Variants in AKR1B15 observed in about 807,000 individuals in gnomAD.
AKR1B15 encodes the protein aldo-keto reductase family 1 member B15, also known as estradiol 17-beta-dehydrogenase AKR1B15.
Under a neutral mutation model 38.5 loss-of-function variants are expected in AKR1B15, and 49 were observed. That is an observed-to-expected ratio of 1.27 (90% CI 1.01 to 1.62). AKR1B15 has a LOEUF of 1.62. Ranked by LOEUF, AKR1B15 falls within the 40% of genes most tolerant of loss-of-function variation. The probability of loss-of-function intolerance (pLI) is 0.00; values close to 1 mark genes in which losing one functional copy is unlikely to be tolerated. For missense variants in AKR1B15, 411 were observed against 381.6 expected, an observed-to-expected ratio of 1.08 and a Z score of -0.64; for synonymous variants, 137 against 135.5, an observed-to-expected ratio of 1.01 and a Z score of -0.08.
At chr7:134,567,441 A>G (rs2117652717) in intron 3 of AKR1B15, among the ~76,000 whole-genome samples, 1 of 152,052 alleles carries the variant, frequency 6.6e-6, no homozygotes, top group East Asian at 1.9e-4. Context: ...TTCCAAAATG[A>G]TCATTGTATA....
chr7:134,549,804 G>A (rs1793903862), intron 1 of AKR1B15, among the ~76,000 whole-genome samples: 2 of 152,150 alleles, frequency 1.3e-5, no homozygotes, highest in African/African-American at 4.8e-5. Context: ...CCTGTTTAGT[G>A]TCTGTCTAAA....
At chr7:134,568,413 T>C in intron 4 of AKR1B15, 88 bp downstream of exon 4, 1 of 1,551,540 alleles carries the variant, frequency 6.4e-7, no homozygotes, top group Non-Finnish European at 8.7e-7. Context: ...TCTGTCGGCC[T>C]TTTCTACGTG....
chr7:134,562,957 TTTTCTGTCTG>T (rs1406249193), intron 2 of AKR1B15, among the ~76,000 whole-genome samples: 6 of 151,042 alleles, frequency 4.0e-5, no homozygotes, highest in Non-Finnish European at 7.4e-5. Context: ...CTTTCTGTCT[TTTTCTGTCTG>T]TTTTCTCTAT....
At chr7:134,567,442 T>A (rs1185212905) in intron 3 of AKR1B15, among the ~76,000 whole-genome samples, 1 of 152,160 alleles carries the variant, frequency 6.6e-6, no homozygotes, top group Non-Finnish European at 1.5e-5. Flanking sequence ...TCCAAAATGA[T>A]CATTGTATAA....
intron 5 of AKR1B15, chr7:134,570,621 T>A (rs1378699817): frequency 6.6e-6 from 1 of 152,314 alleles, no homozygotes; most frequent in Non-Finnish European, 1.5e-5. Context: ...GAAATAACGA[T>A]GAATTATCAG....
chr7:134,549,789 A>T (rs527682971), intron 1 of AKR1B15, among the ~76,000 whole-genome samples: 3 of 152,110 alleles, frequency 2.0e-5, no homozygotes, highest in Non-Finnish European at 4.4e-5. Context: ...CCCAGTGCCT[A>T]TTGTCCTGTT....
In AKR1B15 at chr7:134,571,770, G is replaced by A. The variant is rs557983233; in HGVS notation, c.513+89G>A. 7.9e-6 allele frequency: 8 copies of A among 1,013,232 alleles called. No homozygotes were observed. The African/African-American group carries it at 1.1e-4, about 14-fold the overall frequency. 62.8% of individuals were successfully genotyped at this position (1,013,232 alleles called of 1,614,324 possible). On this transcript the variant is annotated intron_variant, in intron 6 of 11. Transcript: ENST00000457545. ...TTGATATGAAAGAGGCCATGTGCCT[G>A]ATGCTTTCTAATTTCATCATTGTGA...
intron 11 of AKR1B15, 25 bp from the exon 12 acceptor site, chr7:134,579,481 CT>C (rs72495463): frequency 6.5e-3 from 8,332 of 1,286,230 alleles, no homozygotes; most frequent in Admixed American, 0.012. Flanking sequence ...AACACAGTTT[CT>C]TTTTTTTTTT....
chr7:134,566,733 C>T (rs1169770169), intron 3 of AKR1B15, among the ~76,000 whole-genome samples: 10 of 152,148 alleles, frequency 6.6e-5, no homozygotes, highest in Admixed American at 1.3e-4. Flanking sequence ...TTTTTTCCCT[C>T]TCCTGTGCCG....
chr7:134,553,747 C>T (rs1046487726), intron 1 of AKR1B15, among the ~76,000 whole-genome samples: 1 of 152,228 alleles, frequency 6.6e-6, no homozygotes, highest in Non-Finnish European at 1.5e-5. Context: ...GACCTTACCA[C>T]ACCTGTCCAT....
intron 6 of AKR1B15, among the ~76,000 whole-genome samples, chr7:134,574,997 G>GGT (rs1389673456): frequency 6.6e-6 from 1 of 152,018 alleles, no homozygotes; most frequent in African/African-American, 2.4e-5. Flanking sequence ...CCCAGGTTTG[G>GGT]GTGTACAATG....
intron 10 of AKR1B15, 115 bp downstream of exon 10, chr7:134,577,161 C>T (rs192507633): frequency 5.4e-4 from 587 of 1,094,708 alleles, no homozygotes; most frequent in Non-Finnish European, 6.4e-4. Context: ...TCCTTCCCCA[C>T]CACCCTATCA....
chr7:134,568,459 G>A lies in AKR1B15; in HGVS notation c.318+134G>A, dbSNP rs1794592804. ...CATCTCTGCCTTGATAACATCCGTG[G>A]ATACAATACTATCCATACTCCAAGC... is the stretch of plus-strand genomic sequence containing the variant. On this transcript the variant is annotated intron_variant, in intron 4 of 11. Transcript: ENST00000457545. The A allele has an allele frequency of 7.6e-6, 10 of 1,323,666 alleles. No homozygotes were observed. The South Asian group carries it at 1.3e-4, about 17-fold the overall frequency. 82.0% of individuals were successfully genotyped at this position (1,323,666 alleles called of 1,614,324 possible).
In AKR1B15 at chr7:134,565,342, G is replaced by C; in HGVS notation, c.150+573G>C. ...AACTCCAGACACAACATCTTTAACA[G>C]CTGTAACACACACTGTGAAGGTCCA... On this transcript the variant is annotated intron_variant, in intron 3 of 11. Coordinates refer to ENST00000457545, the MANE Select transcript of AKR1B15 (RefSeq NM_001080538.3). 5 of 1,371,764 alleles carry C rather than the reference G, an allele frequency of 3.6e-6. No homozygotes were observed. In the South Asian group the frequency reaches 6.7e-5, roughly 18 times the overall value. The allele number at this position is 1,371,764 out of a possible 1,614,324, so 85.0% of individuals were successfully genotyped here.
chr7:134,578,037 G>A (rs1203889308), intron 11 of AKR1B15, among the ~76,000 whole-genome samples: 4 of 152,182 alleles, frequency 2.6e-5, no homozygotes, highest in South Asian at 2.1e-4. Context: ...ATAGGCAGGA[G>A]GCAGAACATT....
chr7:134,563,733 C>T (rs759612053), intron 2 of AKR1B15, among the ~76,000 whole-genome samples: 2 of 152,134 alleles, frequency 1.3e-5, no homozygotes, highest in Non-Finnish European at 2.9e-5. Flanking sequence ...TCTTTCATCC[C>T]ATCTCATCCC....
At position 134,579,495 on chromosome 7, in the gene AKR1B15, C is replaced by A; in HGVS notation, c.993-12C>A. ...GAACACAGTTTCTTTTTTTTTTTCT[C>A]TCTCTCTGTAGATTCTCTCATTTGG... On this transcript the variant is annotated splice_polypyrimidine_tract_variant and intron_variant, in intron 11 of 11. Coordinates refer to ENST00000457545, the MANE Select transcript of AKR1B15 (RefSeq NM_001080538.3). The A allele has an allele frequency of 6.4e-7, 1 of 1,562,076 alleles. No individual in the cohort carries two copies. Among genetic ancestry groups the A allele is most frequent in the Non-Finnish European group, 8.6e-7 (1 of 1,157,170 alleles).
Position 134,568,290 on chromosome 7 carries a change from G to T in AKR1B15, c.283G>T (p.Ala95Ser). ...EAIQEKIQEK[A>S]VMREDLFIVS... ...CATCCAAGAGAAGATCCAAGAGAAG[G>T]CTGTGATGCGGGAGGACCTGTTCAT... Residue 95 changes from alanine (A) to serine (S), a missense_variant, in exon 4 of 12, where the codon GCT (alanine) becomes TCT (serine). By Grantham distance (99) the Ala-to-Ser change is moderately conservative. Coordinates refer to ENST00000457545, the MANE Select transcript of AKR1B15 (RefSeq NM_001080538.3). The T allele has an allele frequency of 1.2e-6, 2 of 1,614,094 alleles. No homozygotes were observed. Among genetic ancestry groups the T allele is most frequent in the Non-Finnish European group, 8.5e-7 (1 of 1,179,980 alleles).
intron 2 of AKR1B15, among the ~76,000 whole-genome samples, chr7:134,560,784 G>A (rs187595124): frequency 7.4e-4 from 112 of 152,236 alleles, no homozygotes; most frequent in Non-Finnish European, 1.1e-3. Context: ...GAAAGACGGC[G>A]AACACCACAA....
Sources: gnomAD v4.1 joint callset for allele counts (sites outside exome capture counted in the v4.1 genomes callset) on GRCh38, gnomAD v4.1.1 for gene constraint, MANE v1.5 for transcripts, NCBI Gene and HGNC (gene_info 2026-07-23, HGNC 2026-07-21) for gene names.